The following SHISA9 variants were observed in gnomAD, a reference collection of about 807,000 sequenced individuals.
SHISA9 encodes the protein shisa family member 9.
Under a neutral mutation model 38.0 loss-of-function variants are expected in SHISA9, and 13 were observed. That is an observed-to-expected ratio of 0.34 (90% CI 0.22 to 0.54). The LOEUF (loss-of-function observed/expected upper bound fraction) is 0.54, where lower values mean the gene tolerates loss of function less well. Ranked by LOEUF, SHISA9 falls within the 20% of genes least tolerant of loss-of-function variation. The pLI is 0.91. For synonymous variants in SHISA9, 275 were observed against 242.0 expected, an observed-to-expected ratio of 1.14 and a Z score of -1.27; for missense variants, 538 against 575.8, an observed-to-expected ratio of 0.93 and a Z score of 0.67.
intron 2 of SHISA9, among the ~76,000 whole-genome samples, chr16:13,043,134 T>A (rs951723121): frequency 1.3e-5 from 2 of 152,156 alleles, no homozygotes; most frequent in African/African-American, 2.4e-5. Flanking sequence ...TGGAGGAACT[T>A]CCAACTTTAT....
rs2071952081 is a variant in SHISA9, at chr16:12,964,415, G to C, written c.691+47600G>C. Among the ~76,000 whole-genome samples, 4 of 149,568 alleles carry C rather than the reference G, an allele frequency of 2.7e-5. No individual in the cohort carries two copies. In the South Asian group the frequency reaches 8.4e-4, roughly 32 times the overall value. On this transcript the variant is annotated intron_variant, in intron 2 of 4. Coordinates refer to ENST00000558583, the MANE Select transcript of SHISA9 (RefSeq NM_001145204.3). ...TTTTTTTTCAACAGAAACTCAAACT[G>C]ACTTAAATAATAGAATTTATTAGCT...
At chr16:13,119,569 TAAC>T (rs2074065243) in intron 2 of SHISA9, among the ~76,000 whole-genome samples, 1 of 152,222 alleles carries the variant, frequency 6.6e-6, no homozygotes, top group Non-Finnish European at 1.5e-5. Context: ...TTATAATCAT[TAAC>T]AATCGCTAAT....
intron 2 of SHISA9, among the ~76,000 whole-genome samples, chr16:12,968,204 A>ATCC (rs1456781351): frequency 2.6e-5 from 2 of 76,060 alleles, no homozygotes; most frequent in African/African-American, 4.9e-5. Context: ...AAAAAAAAAA[A>ATCC]AAAAAAAAAA....
At chr16:13,039,748 A>C (rs1250602903) in intron 2 of SHISA9, among the ~76,000 whole-genome samples, 1 of 152,274 alleles carries the variant, frequency 6.6e-6, no homozygotes, top group South Asian at 2.1e-4. Flanking sequence ...TCTTTGTCAA[A>C]GACTGCCAAG....
the SHISA9 span, among the ~76,000 whole-genome samples, chr16:13,544,807 G>A: frequency 7.0e-4 from 107 of 152,234 alleles, no homozygotes; most frequent in African/African-American, 2.5e-3. Context: ...GCTGGGCGTG[G>A]TGGGGCGAGC....
intron 4 of SHISA9, among the ~76,000 whole-genome samples, chr16:13,215,576 G>A (rs971304731): frequency 2.6e-4 from 40 of 152,072 alleles, no homozygotes; most frequent in Non-Finnish European, 3.5e-4. Context: ...GCATTTGGAG[G>A]CAGCCTGCAT....
chr16:13,315,707 G>A, the SHISA9 span, among the ~76,000 whole-genome samples: 3 of 152,204 alleles, frequency 2.0e-5, no homozygotes, highest in Admixed American at 2.0e-4. Context: ...TAAATTGCAT[G>A]GAGGAGTGCC....
intron 2 of SHISA9, among the ~76,000 whole-genome samples, chr16:13,017,240 A>C (rs903045616): frequency 1.3e-5 from 2 of 152,098 alleles, no homozygotes; most frequent in African/African-American, 4.8e-5. Flanking sequence ...GGCTGGTCTC[A>C]AACTCCTGAC....
chr16:13,138,421 C>T (rs1451517700), intron 2 of SHISA9, among the ~76,000 whole-genome samples: 1 of 152,170 alleles, frequency 6.6e-6, no homozygotes, highest in African/African-American at 2.4e-5. Flanking sequence ...ATCAGGATGG[C>T]TACTTTTTAG....
chr16:12,988,917 C>A (rs1208213277), intron 2 of SHISA9, among the ~76,000 whole-genome samples: 1 of 152,194 alleles, frequency 6.6e-6, no homozygotes, highest in Admixed American at 6.5e-5. Flanking sequence ...TGAGTACTTA[C>A]AACCTGCCAA....
At chr16:13,416,433 A>G in the SHISA9 span, among the ~76,000 whole-genome samples, 4 of 152,212 alleles carry the variant, frequency 2.6e-5, no homozygotes, top group Non-Finnish European at 5.9e-5. Flanking sequence ...CCTCCAGTTT[A>G]ACCATCATAT....
the SHISA9 span, among the ~76,000 whole-genome samples, chr16:13,531,825 C>T: frequency 6.6e-6 from 1 of 152,116 alleles, no homozygotes; most frequent in Non-Finnish European, 1.5e-5. Flanking sequence ...GGATTTAGAA[C>T]AATTCATGTT....
the SHISA9 span, among the ~76,000 whole-genome samples, chr16:13,375,576 C>G: frequency 2.6e-5 from 4 of 151,894 alleles, no homozygotes; most frequent in Non-Finnish European, 4.4e-5. Context: ...TTACTGTAGC[C>G]TTGTAGTATA....
the SHISA9 span, among the ~76,000 whole-genome samples, chr16:13,446,519 A>G: frequency 2.0e-5 from 3 of 152,284 alleles, no homozygotes; most frequent in African/African-American, 2.4e-5. Context: ...ATTGCTTTCA[A>G]TTGCTGCAGT....
the SHISA9 span, among the ~76,000 whole-genome samples, chr16:13,472,634 C>T: frequency 2.0e-5 from 3 of 151,942 alleles, no homozygotes; most frequent in East Asian, 1.9e-4. Context: ...CCTCGTGATC[C>T]GCCCACCTCG....
chr16:13,232,975 A>G (rs888485085), intron 4 of SHISA9, among the ~76,000 whole-genome samples: 1 of 152,102 alleles, frequency 6.6e-6, no homozygotes, highest in Non-Finnish European at 1.5e-5. Flanking sequence ...AATAGAGCTT[A>G]TTTACACATG....
chr16:13,444,982 C>CTATA, the SHISA9 span, among the ~76,000 whole-genome samples: 490 of 106,060 alleles, frequency 4.6e-3, 3 homozygotes, highest in Middle Eastern at 0.011. Flanking sequence ...CCATGCCTAG[C>CTATA]TATATATATA....
chr16:13,278,926 G>A, the SHISA9 span, among the ~76,000 whole-genome samples: 3 of 151,724 alleles, frequency 2.0e-5, no homozygotes, highest in Non-Finnish European at 4.4e-5. Context: ...GTTCTGCTCT[G>A]ATCCTGGTAA....
intron 4 of SHISA9, among the ~76,000 whole-genome samples, chr16:13,217,115 CA>C (rs1419852644): frequency 6.1e-4 from 89 of 145,624 alleles, no homozygotes; most frequent in Admixed American, 1.2e-3. Flanking sequence ...ACTAAAAATA[CA>C]AAAAAAAAAA....
Sources: allele counts gnomAD v4.1 joint callset (sites outside exome capture counted in the v4.1 genomes callset), GRCh38; gene constraint gnomAD v4.1.1; transcripts MANE v1.5; gene names NCBI Gene and HGNC (gene_info 2026-07-23, HGNC 2026-07-21).